DOHH: variants seen among roughly 807,000 people sequenced by gnomAD.
DOHH encodes the protein deoxyhypusine hydroxylase, also known as HEAT-like (PBS lyase) repeat containing 1.
Under a neutral mutation model 19.9 loss-of-function variants are expected in DOHH, and 16 were observed. That is an observed-to-expected ratio of 0.80 (90% CI 0.54 to 1.22). The LOEUF (loss-of-function observed/expected upper bound fraction) is 1.22. Among genes scored for constraint, DOHH ranks in the 50% most tolerant of loss-of-function variants. DOHH has a pLI of 0.00. For synonymous variants in DOHH, 233 were observed against 217.0 expected, an observed-to-expected ratio of 1.07 and a Z score of -0.65; for missense variants, 460 against 460.6, an observed-to-expected ratio of 1.00 and a Z score of 0.01.
rs368940915 is a variant in DOHH at position 3,491,673 on chromosome 19, G to A, written c.728C>T (p.Ala243Val). 1.2e-5 allele frequency: 18 copies of A among 1,534,290 alleles called. No individual in the cohort carries two copies. The highest frequency in any genetic ancestry group is 2.5e-5 in the East Asian group (1 of 40,718). Reference sequence around the variant, plus strand: ...CCGGGCAATGGCGCCCAGGGCCTCCGCGCACTCGTGCCGCACCATGGGGTT... The same window carrying A: ...CCGGGCAATGGCGCCCAGGGCCTCCACGCACTCGTGCCGCACCATGGGGTT... ...TENPMVRHEC[A>V]EALGAIARPA... is the part of the protein sequence containing the mutation. The change falls in exon 5 of 5, where the codon GCG (alanine) becomes GTG (valine). Residue 243 changes from alanine to valine, a missense_variant. By Grantham distance (64) the Ala-to-Val change is moderately conservative (BLOSUM62 0). Coordinates refer to ENST00000427575, the MANE Select transcript of DOHH (RefSeq NM_001145165.2). This position sits in a 1 kb window ranked among gnomAD's most constrained non-coding sequence, Gnocchi z 5.6.
At chr19:3,499,680 G>C (rs923322303) in intron 1 of DOHH, among the ~76,000 whole-genome samples, 2 of 152,186 alleles carry the variant, frequency 1.3e-5, no homozygotes, top group Non-Finnish European at 2.9e-5. Flanking sequence ...GCTGAGGTAG[G>C]AGAATCGCCT....
intron 1 of DOHH, among the ~76,000 whole-genome samples, chr19:3,497,540 A>G (rs144995388): frequency 6.6e-6 from 1 of 152,358 alleles, no homozygotes; most frequent in African/African-American, 2.4e-5. Flanking sequence ...GCCTTACCAG[A>G]GGCCAGACCC....
intron 2 of DOHH, among the ~76,000 whole-genome samples, chr19:3,494,617 T>C (rs908820339): frequency 6.6e-6 from 1 of 152,238 alleles, no homozygotes; most frequent in African/African-American, 2.4e-5. Context: ...CAGGCGCAAG[T>C]GCAGGCGTCG....
At chr19:3,494,280 G>A (rs1456840471) in intron 2 of DOHH, among the ~76,000 whole-genome samples, 176 bp from the exon 3 acceptor site, 3 of 152,150 alleles carry the variant, frequency 2.0e-5, no homozygotes, top group Non-Finnish European at 4.4e-5. Context: ...GGACCAATCA[G>A]CATCCCCTCC....
rs1039166226 is a variant in DOHH at position 3,492,287 on chromosome 19, C to G, written c.564G>C (p.Glu188Asp). 2 of 1,501,616 alleles carry G rather than the reference C, an allele frequency of 1.3e-6. No individual in the cohort carries two copies. Among genetic ancestry groups the G allele is most frequent in the African/African-American group, 2.9e-5 (2 of 69,922 alleles). The allele number at this position is 1,501,616 out of a possible 1,614,324, so 93.0% of individuals were successfully genotyped here. The part of the protein sequence containing the change: ...AMFALRNAGG[E>D]EAALALAEGL... ...CCTCGGCCAGCGCCAGGGCGGCCTC[C>G]TCGCCTCCCGCGTTGCGCAGGGCGA... Residue 188 changes from glutamate (E) to aspartate (D), a missense_variant, in exon 4 of 5, where the codon GAG becomes GAC. Physicochemically the swap from Glu to Asp is conservative, Grantham distance 45 (BLOSUM62 2). Coordinates refer to ENST00000427575, the MANE Select transcript of DOHH (RefSeq NM_001145165.2).
chr19:3,494,518 CA>C (rs559590670), intron 2 of DOHH, among the ~76,000 whole-genome samples: 16 of 152,200 alleles, frequency 1.1e-4, no homozygotes, highest in Non-Finnish European at 1.5e-4. Context: ...AAAAAACAAA[CA>C]AAAAAAATTC....
At position 3,491,194 on chromosome 19, in the gene DOHH, C is replaced by A. The variant is rs532421950; in HGVS notation, c.*298G>T. On this transcript the variant is annotated 3_prime_UTR_variant, in exon 5 of 5. Coordinates refer to ENST00000427575, the MANE Select transcript of DOHH (RefSeq NM_001145165.2). The surrounding 1 kb of genome is among the most constrained non-coding windows in gnomAD (Gnocchi z 5.6). ...CGCGATCCTCCCCTGGCTTCCCTCG[C>A]AATCCTCCCCTGTCCTGAGCCGGGC... 2.1e-6 allele frequency: 1 copy of A among 481,924 alleles called. No individual in the cohort carries two copies. The highest frequency in any genetic ancestry group is 2.9e-5 in the South Asian group (1 of 34,040). The allele number at this position is 481,924 out of a possible 1,614,324, so 29.9% of individuals were successfully genotyped here.
chr19:3,492,231 C>G, intron 4 of DOHH, 31 bp downstream of exon 4: 1 of 1,442,472 alleles, frequency 6.9e-7, no homozygotes. Context: ...GAGGCACTGC[C>G]CAGGACCCCA....
chr19:3,495,474 T>C (rs1324244966), intron 2 of DOHH, among the ~76,000 whole-genome samples: 3 of 152,242 alleles, frequency 2.0e-5, no homozygotes, highest in African/African-American at 7.2e-5. Flanking sequence ...TGTCTCTTAC[T>C]ACATGACAGA....
rs2082869688 is a variant in DOHH, at chr19:3,491,560, C to T, written c.841G>A (p.Glu281Lys). Reference sequence around the variant, plus strand: ...TGGAAGGCCCGCCCGGTCTCGTGCTCATACATGTCCAGAGCCACCTCGCAG... The same window carrying T: ...TGGAAGGCCCGCCCGGTCTCGTGCTTATACATGTCCAGAGCCACCTCGCAG... ...ESCEVALDMY[E>K]HETGRAFQYA... The change falls in exon 5 of 5, where the codon GAG becomes AAG. Residue 281 changes from glutamate (E) to lysine (K), a missense_variant. Physicochemically the swap from Glu to Lys is moderately conservative, Grantham distance 56. Transcript: ENST00000427575. This position sits in a 1 kb window ranked among gnomAD's most constrained non-coding sequence, Gnocchi z 5.6. 2 of 1,535,972 alleles carry T rather than the reference C, an allele frequency of 1.3e-6. No homozygotes were observed. Among genetic ancestry groups the T allele is most frequent in the East Asian group, 4.9e-5 (2 of 40,920 alleles).
intron 2 of DOHH, among the ~76,000 whole-genome samples, chr19:3,495,397 C>T (rs1386272119): frequency 2.6e-5 from 4 of 152,208 alleles, no homozygotes; most frequent in Non-Finnish European, 1.5e-5. Context: ...CTGCCTCAGC[C>T]TCCTGAGTAG....
In DOHH at chr19:3,491,484, G is replaced by A. The variant is rs1402133652; in HGVS notation, c.*8C>T. On this transcript the variant is annotated 3_prime_UTR_variant, in exon 5 of 5. Coordinates refer to ENST00000427575, the MANE Select transcript of DOHH (RefSeq NM_001145165.2). This position sits in a 1 kb window ranked among gnomAD's most constrained non-coding sequence, Gnocchi z 5.6. ...AGTCCTCCGGGAGCTCCGGGTGAGG[G>A]TGGGGCCCTAGGAGGGGGCCCCGCG... The A allele has an allele frequency of 6.5e-7, 1 of 1,531,550 alleles. No homozygotes were observed. Among genetic ancestry groups the A allele is most frequent in the East Asian group, 2.5e-5 (1 of 40,804 alleles). The allele number at this position is 1,531,550 out of a possible 1,614,324, so 94.9% of individuals were successfully genotyped here.
chr19:3,497,820 G>A (rs1309602282), intron 1 of DOHH, among the ~76,000 whole-genome samples: 2 of 151,702 alleles, frequency 1.3e-5, no homozygotes, highest in African/African-American at 2.4e-5. Context: ...TAGAGATGGG[G>A]TCTCACTTCT....
Position 3,496,067 on chromosome 19 carries a change from G to A in DOHH, c.274+474C>T, listed in dbSNP as rs58681762. Among the ~76,000 whole-genome samples the A allele has an allele frequency of 0.07, 10,702 of 152,018 alleles. 1,281 individuals are homozygous for A. Among genetic ancestry groups the A allele is most frequent in the African/African-American group, 0.24 (10,051 of 41,428 alleles). Reference sequence around the variant, plus strand: ...CACTCTGTTGCCCAGGCTGGAGTGCGGTGGCACGATCATGGCTCACTGCAA... The same window carrying A: ...CACTCTGTTGCCCAGGCTGGAGTGCAGTGGCACGATCATGGCTCACTGCAA... On this transcript the variant is annotated intron_variant, in intron 2 of 4. Transcript: ENST00000427575. This position sits in a 1 kb window ranked among gnomAD's most constrained non-coding sequence, Gnocchi z 4.8.
intron 2 of DOHH, among the ~76,000 whole-genome samples, chr19:3,494,800 C>T (rs1210516876): frequency 6.6e-6 from 1 of 152,234 alleles, no homozygotes; most frequent in African/African-American, 2.4e-5. Flanking sequence ...GCCTGGCAGG[C>T]TCCCTCTGCC....
rs375862581 is a variant in DOHH, at chr19:3,491,289, C to G, written c.*203G>C. On this transcript the variant is annotated 3_prime_UTR_variant, in exon 5 of 5. Coordinates refer to ENST00000427575, the MANE Select transcript of DOHH (RefSeq NM_001145165.2). The surrounding 1 kb of genome is among the most constrained non-coding windows in gnomAD (Gnocchi z 5.6). ...CCACGCTACAGCCCTGCGCCAGGCC[C>G]CGAGGAGCAGTCAGGGGACTCAGGG... The G allele has an allele frequency of 6.6e-5, 41 of 619,730 alleles. 3 individuals are homozygous for G. The highest frequency in any genetic ancestry group is 4.6e-4 in the African/African-American group (24 of 52,718). 38.4% of individuals were successfully genotyped at this position (619,730 alleles called of 1,614,324 possible).
intron 2 of DOHH, among the ~76,000 whole-genome samples, chr19:3,495,437 C>T (rs947337590): frequency 5.3e-5 from 8 of 152,172 alleles, no homozygotes; most frequent in South Asian, 2.1e-4. Context: ...CCACGATGCC[C>T]GGCTTGTATC....
At position 3,496,930 on chromosome 19, in the gene DOHH, C is replaced by T; in HGVS notation, c.-72-44G>A. ...AGCCCAGGTTAGAAGCCCCCTTCAC[C>T]AGTGCGTTGTCTGTTCCTAGGACCT... On this transcript the variant is annotated intron_variant, in intron 1 of 4. Coordinates refer to ENST00000427575, the MANE Select transcript of DOHH (RefSeq NM_001145165.2). The surrounding 1 kb of genome is among the most constrained non-coding windows in gnomAD (Gnocchi z 4.8). 1 of 1,301,152 alleles carries T rather than the reference C, an allele frequency of 7.7e-7. No homozygotes were observed. 80.6% of individuals were successfully genotyped at this position (1,301,152 alleles called of 1,614,324 possible).
intron 3 of DOHH, 94 bp from the exon 4 acceptor site, chr19:3,492,593 G>C: frequency 9.6e-6 from 10 of 1,037,366 alleles, no homozygotes; most frequent in Non-Finnish European, 1.3e-5. Flanking sequence ...AGGGGAGAGA[G>C]ACACTGGCAG....
Sources: gnomAD v4.1 joint callset for allele counts (sites outside exome capture counted in the v4.1 genomes callset) on GRCh38, gnomAD v4.1.1 for gene constraint, Gnocchi (gnomAD v3.1) non-coding constraint, MANE v1.5 for transcripts, NCBI Gene and HGNC (gene_info 2026-07-23, HGNC 2026-07-21) for gene names.